Variants in PHF3 observed in about 807,000 individuals in gnomAD.
PHF3 encodes PHD finger protein 3.
In PHF3, 41 loss-of-function variants were observed where a neutral mutation model predicts 178.4. That is an observed-to-expected ratio of 0.23 (90% CI 0.18 to 0.30). The LOEUF (loss-of-function observed/expected upper bound fraction) is 0.30. Ranked by LOEUF, PHF3 falls within the 10% of genes least tolerant of loss-of-function variation. PHF3 has a pLI of 1.00. For synonymous variants in PHF3, 842 were observed against 800.5 expected, an observed-to-expected ratio of 1.05 and a Z score of -0.88; for missense variants, 2,346 against 2,398.1, an observed-to-expected ratio of 0.98 and a Z score of 0.45.
chr6:63,704,295 A>G (rs1385038380), intron 11 of PHF3, among the ~76,000 whole-genome samples: 1 of 152,094 alleles, frequency 6.6e-6, no homozygotes, highest in Non-Finnish European at 1.5e-5. Flanking sequence ...AGAGTTGTTC[A>G]TTCTGTGGGT....
intron 10 of PHF3, among the ~76,000 whole-genome samples, chr6:63,702,980 C>T (rs566355700): frequency 2.6e-5 from 4 of 152,280 alleles, no homozygotes; most frequent in East Asian, 1.9e-4. Flanking sequence ...CAGGTTCAAG[C>T]GATGCTGCCA....
In PHF3 at chr6:63,677,235, A is replaced by G. The variant is rs1766207868; in HGVS notation, c.245-2765A>G. On this transcript the variant is annotated intron_variant, in intron 2 of 15. Transcript: ENST00000262043. Reference sequence around the variant, plus strand: ...ATCATTAGAGTATAGATGGGCCTGGATAAGATCACCTTAGGGATAAGTGAG... The same window carrying G: ...ATCATTAGAGTATAGATGGGCCTGGGTAAGATCACCTTAGGGATAAGTGAG... 1.3e-5 allele frequency among the ~76,000 whole-genome samples: 2 copies of G among 152,176 alleles called. 1 individual carries two copies. The highest frequency in any genetic ancestry group is 4.1e-4 in the South Asian group (2 of 4,824).
intron 4 of PHF3, 71 bp from the exon 5 acceptor site, chr6:63,691,666 T>A: frequency 7.8e-7 from 1 of 1,282,504 alleles, no homozygotes; most frequent in South Asian, 1.5e-5. Flanking sequence ...AAATTTAATT[T>A]AGCCTCATTT....
intron 3 of PHF3, among the ~76,000 whole-genome samples, chr6:63,681,628 T>C (rs753750926): frequency 2.0e-5 from 3 of 152,148 alleles, no homozygotes; most frequent in Non-Finnish European, 4.4e-5. Flanking sequence ...TTCTGTAGTG[T>C]TCTATTCATG....
chr6:63,677,500 C>A (rs1215142846), intron 2 of PHF3, among the ~76,000 whole-genome samples: 1 of 152,114 alleles, frequency 6.6e-6, no homozygotes, highest in African/African-American at 2.4e-5. Flanking sequence ...TAATTTAAAA[C>A]CTGATAATTG....
intron 2 of PHF3, among the ~76,000 whole-genome samples, chr6:63,651,117 A>G (rs1056293655): frequency 2.6e-5 from 4 of 152,140 alleles, no homozygotes; most frequent in African/African-American, 9.7e-5. Flanking sequence ...ATTGTTTTTG[A>G]CACATAATTG....
At chr6:63,649,767 T>G (rs1764945430) in intron 2 of PHF3, among the ~76,000 whole-genome samples, 1 of 152,220 alleles carries the variant, frequency 6.6e-6, no homozygotes, top group East Asian at 1.9e-4. Flanking sequence ...CTTCATCTAA[T>G]TGTAGTGTTT....
chr6:63,647,718 T>C (rs1764849837), intron 2 of PHF3, among the ~76,000 whole-genome samples: 1 of 152,230 alleles, frequency 6.6e-6, no homozygotes, highest in Admixed American at 6.5e-5. Flanking sequence ...GTCATGTTAA[T>C]GTATAAAAAA....
intron 14 of PHF3, 116 bp from the exon 15 acceptor site, chr6:63,711,051 A>C: frequency 1.5e-6 from 1 of 664,086 alleles, no homozygotes; most frequent in Non-Finnish European, 2.4e-6. Flanking sequence ...AAACCACGTT[A>C]TTTGGTACCA....
chr6:63,705,655 G>A (rs1326882652), intron 11 of PHF3, among the ~76,000 whole-genome samples: 1 of 152,196 alleles, frequency 6.6e-6, no homozygotes. Flanking sequence ...AAAGGTTGGG[G>A]ACTGCTAATC....
In PHF3 at chr6:63,635,864, C is replaced by T. The variant is rs975788137; in HGVS notation, c.-312C>T. On this transcript the variant is annotated 5_prime_UTR_variant, in exon 1 of 16. Transcript: ENST00000262043. ...CGCCGCCGCCGCACGCCGATGGCTGCGGGGTCTCGCGCCGTCGCACCGTCC... is the reference window on the plus strand; with the variant it reads ...CGCCGCCGCCGCACGCCGATGGCTGTGGGGTCTCGCGCCGTCGCACCGTCC... The T allele has an allele frequency of 4.8e-5, 19 of 397,238 alleles. No individual in the cohort carries two copies. Among genetic ancestry groups the T allele is most frequent in the Admixed American group, 4.4e-4 (10 of 22,664 alleles). 24.6% of individuals were successfully genotyped at this position (397,238 alleles called of 1,614,324 possible).
intron 2 of PHF3, among the ~76,000 whole-genome samples, chr6:63,664,291 G>A (rs1044376352): frequency 2.8e-4 from 42 of 152,286 alleles, no homozygotes; most frequent in African/African-American, 8.9e-4. Context: ...CTAACAAGTG[G>A]AACTTGGGAA....
chr6:63,686,194 TG>T, intron 4 of PHF3: 1 of 340,228 alleles, frequency 2.9e-6, no homozygotes, highest in Non-Finnish European at 5.3e-6. Flanking sequence ...ATTTAGCCAC[TG>T]CATCTGCAAA....
intron 1 of PHF3, among the ~76,000 whole-genome samples, chr6:63,643,237 T>G (rs1764652170): frequency 6.6e-6 from 1 of 152,206 alleles, no homozygotes; most frequent in Non-Finnish European, 1.5e-5. Flanking sequence ...CTAATTTGTT[T>G]GCCTGTTTAG....
chr6:63,709,735 A>G (rs566669519), intron 14 of PHF3, among the ~76,000 whole-genome samples: 7 of 152,322 alleles, frequency 4.6e-5, no homozygotes, highest in Middle Eastern at 3.4e-3. Context: ...GAAAGAACCT[A>G]GTCACATAGC....
intron 1 of PHF3, among the ~76,000 whole-genome samples, chr6:63,644,866 A>G (rs1764716482): frequency 6.6e-6 from 1 of 151,124 alleles, no homozygotes. Flanking sequence ...TCGTGGCCCC[A>G]GGCAGTCACT....
In PHF3 at chr6:63,685,158, C is replaced by A. The variant is rs375555642; in HGVS notation, c.1436C>A (p.Ser479Tyr). 3.1e-6 allele frequency: 5 copies of A among 1,614,000 alleles called. No individual in the cohort carries two copies. The highest frequency in any genetic ancestry group is 1.6e-4 in the Middle Eastern group (1 of 6,062). Residue 479 changes from serine to tyrosine, a missense_variant, in exon 4 of 16, where the codon TCT becomes TAT. Around this residue, in one of 8 missense-constraint regions of PHF3, gnomAD observed 843 missense variants for 795.2 expected, o/e 1.06. Transcript: ENST00000262043. The stretch of plus-strand genomic sequence containing the variant: ...AGAAACAGCCAGTCAAGTAGCGTTT[C>A]TTACTTAGAGTCAAAAAGTGTAAAA... Reference protein sequence around the residue: ...DDRNSQSSSVSYLESKSVKSK... With the variant: ...DDRNSQSSSVYYLESKSVKSK...
rs978747447 is a variant in PHF3, at chr6:63,666,103, T to G, written c.245-13897T>G. On this transcript the variant is annotated intron_variant, in intron 2 of 15. Transcript: ENST00000262043. ...TACCGCTTTAGTTATACACACCCCC[T>G]TAGGAAATGATTTGCTTAATGTATA... 4.6e-5 allele frequency among the ~76,000 whole-genome samples: 7 copies of G among 152,298 alleles called. No homozygotes were observed. The East Asian group carries it at 1.2e-3, about 25-fold the overall frequency.
rs542764697 is a variant in PHF3 at position 63,655,659 on chromosome 6, A to AGC, written c.244+8864_244+8865insGC. ...TTTATGTATTTCATAGCTTCTTTAAATTATATGCAATATAGCTTAAAAGCA... is the reference window on the plus strand; with the variant it reads ...TTTATGTATTTCATAGCTTCTTTAAAGCTTATATGCAATATAGCTTAAAAGCA... On this transcript the variant is annotated intron_variant, in intron 2 of 15. Coordinates refer to ENST00000262043, the MANE Select transcript of PHF3 (RefSeq NM_001370348.2). Among the ~76,000 whole-genome samples the AGC allele has an allele frequency of 4.0e-3, 604 of 152,324 alleles. 4 individuals carry two copies. The highest frequency in any genetic ancestry group is 0.017 in the Middle Eastern group (5 of 294).
Sources: allele counts gnomAD v4.1 joint callset (sites outside exome capture counted in the v4.1 genomes callset), GRCh38; gene constraint gnomAD v4.1.1; regional missense constraint gnomAD v4.1.1; transcripts MANE v1.5; gene names NCBI Gene and HGNC (gene_info 2026-07-23, HGNC 2026-07-21).